DCLK2: variants seen among roughly 807,000 people sequenced by gnomAD.
DCLK2 encodes the protein serine/threonine-protein kinase DCLK2.
A neutral mutation model predicts 78.4 loss-of-function variants in DCLK2; 31 were observed. The ratio of observed to expected loss-of-function variants is 0.40; its 90% confidence interval spans 0.30 to 0.53. The LOEUF (loss-of-function observed/expected upper bound fraction) is 0.53, where lower values mean the gene tolerates loss of function less well. DCLK2 is among the 20% of genes least tolerant of loss of function. DCLK2 has a pLI of 0.61. For missense variants in DCLK2, 872 were observed against 973.7 expected, an observed-to-expected ratio of 0.90 and a Z score of 1.39; for synonymous variants, 407 against 374.9, an observed-to-expected ratio of 1.09 and a Z score of -0.99.
At chr4:150,120,260 T>A (rs1732423209) in intron 2 of DCLK2, among the ~76,000 whole-genome samples, 1 of 152,196 alleles carries the variant, frequency 6.6e-6, no homozygotes, top group Non-Finnish European at 1.5e-5. Flanking sequence ...TGGTAGCCTA[T>A]TATAAACTGT....
At chr4:150,210,011 G>A (rs1221577487) in intron 5 of DCLK2, among the ~76,000 whole-genome samples, 1 of 152,184 alleles carries the variant, frequency 6.6e-6, no homozygotes, top group East Asian at 1.9e-4. Flanking sequence ...GGAGGCAGAG[G>A]TTGCAATGAG....
At chr4:150,185,019 A>C (rs572263759) in intron 2 of DCLK2, among the ~76,000 whole-genome samples, 2 of 152,272 alleles carry the variant, frequency 1.3e-5, no homozygotes, top group African/African-American at 4.8e-5. Flanking sequence ...AGGGTTTATT[A>C]TGCTACTAAT....
chr4:150,242,116 G>A (rs759774486), intron 12 of DCLK2, among the ~76,000 whole-genome samples: 11 of 152,156 alleles, frequency 7.2e-5, no homozygotes, highest in Non-Finnish European at 1.3e-4. Flanking sequence ...TTCCCATTGC[G>A]TTGAACAATT....
chr4:150,153,313 G>A (rs1196058347), intron 2 of DCLK2, among the ~76,000 whole-genome samples: 1 of 152,184 alleles, frequency 6.6e-6, no homozygotes, highest in Non-Finnish European at 1.5e-5. Flanking sequence ...AGCCTCAGGA[G>A]TGCTTGATAT....
chr4:150,209,486 T>G (rs1272356216), intron 5 of DCLK2, among the ~76,000 whole-genome samples: 1 of 152,246 alleles, frequency 6.6e-6, no homozygotes, highest in South Asian at 2.1e-4. Context: ...CCTCTAATTC[T>G]TAAGTTTTTT....
At chr4:150,154,127 A>G (rs951943283) in intron 2 of DCLK2, among the ~76,000 whole-genome samples, 2 of 152,238 alleles carry the variant, frequency 1.3e-5, no homozygotes, top group African/African-American at 4.8e-5. Context: ...AAGTGGGGAC[A>G]TGGATGCTGA....
At chr4:150,183,452 A>C (rs1421295075) in intron 2 of DCLK2, among the ~76,000 whole-genome samples, 1 of 152,210 alleles carries the variant, frequency 6.6e-6, no homozygotes, top group African/African-American at 2.4e-5. Context: ...ATATGATGTA[A>C]GATCAGTTTT....
At chr4:150,204,453 T>C (rs1739690247) in intron 5 of DCLK2, among the ~76,000 whole-genome samples, 2 of 152,204 alleles carry the variant, frequency 1.3e-5, no homozygotes, top group African/African-American at 2.4e-5. Flanking sequence ...TAGCAGTTGA[T>C]TTAATAGACA....
At chr4:150,144,980 AT>A (rs150481946) in intron 2 of DCLK2, among the ~76,000 whole-genome samples, 1,932 of 152,276 alleles carry the variant, frequency 0.013, 11 homozygotes, top group Non-Finnish European at 0.019. Flanking sequence ...CATTTTAACG[AT>A]GTTGATTCTT....
intron 5 of DCLK2, among the ~76,000 whole-genome samples, chr4:150,215,632 A>G (rs1357732005): frequency 6.6e-6 from 1 of 152,230 alleles, no homozygotes; most frequent in East Asian, 1.9e-4. Context: ...AGAAACGTCC[A>G]CATACTCAGC....
rs370021286 is a variant in DCLK2, at chr4:150,256,153, C to T, written c.2207C>T (p.Pro736Leu). Residue 736 changes from proline (P) to leucine (L), a missense_variant, in exon 16 of 16, where the codon CCG becomes CTG. Physicochemically the swap from Pro to Leu is moderately conservative, Grantham distance 98 (BLOSUM62 -3). Coordinates refer to ENST00000296550, the MANE Select transcript of DCLK2 (RefSeq NM_001040260.4). ...ATCCCTGTGCCTGGGGAAGCAGTCC[C>T]GGCCCCCACCCCTCCGGAATCTCCC... is the stretch of plus-strand genomic sequence containing the variant. ...EEIPVPGEAVPAPTPPESPTP... is the reference protein window; with the variant it reads ...EEIPVPGEAVLAPTPPESPTP... 5.5e-5 allele frequency: 88 copies of T among 1,589,260 alleles called. No homozygotes were observed. The highest frequency in any genetic ancestry group is 2.6e-4 in the Admixed American group (15 of 58,020).
chr4:150,095,548 G>A (rs1730397518), intron 1 of DCLK2, among the ~76,000 whole-genome samples: 1 of 152,164 alleles, frequency 6.6e-6, no homozygotes, highest in Admixed American at 6.5e-5. Flanking sequence ...GGCCGACTCT[G>A]ATCTTTGGCT....
At chr4:150,254,332 G>A (rs1324923418) in intron 15 of DCLK2, 6 of 398,400 alleles carry the variant, frequency 1.5e-5, no homozygotes, top group South Asian at 1.3e-4. Context: ...TGTTTCACTC[G>A]TGTTGCTTCT....
intron 2 of DCLK2, among the ~76,000 whole-genome samples, chr4:150,188,053 C>T (rs1423883992): frequency 1.3e-5 from 2 of 152,196 alleles, no homozygotes; most frequent in Non-Finnish European, 2.9e-5. Context: ...CACCCCTTGG[C>T]CTCCCAAAGT....
chr4:150,097,876 TGAAAG>T (rs1580494123), intron 1 of DCLK2, among the ~76,000 whole-genome samples: 1 of 152,158 alleles, frequency 6.6e-6, no homozygotes, highest in African/African-American at 2.4e-5. Context: ...CCAAAGAACT[TGAAAG>T]AGAGAGAAGG....
chr4:150,250,974 T>TCCCCCACACCCCCCATACCCCCACACAC, intron 15 of DCLK2, among the ~76,000 whole-genome samples: 1 of 184 alleles, frequency 5.4e-3, no homozygotes, highest in African/African-American at 0.022. Flanking sequence ...ACACCACACA[T>TCCCCCACACCCCCCATACCCCCACACAC]CCCCCACACC....
chr4:150,089,152 TTCTC>T (rs1271432944), intron 1 of DCLK2, among the ~76,000 whole-genome samples: 1 of 152,232 alleles, frequency 6.6e-6, no homozygotes, highest in Non-Finnish European at 1.5e-5. Context: ...GTATTTCCCC[TTCTC>T]TCTCTTCCTC....
In DCLK2 at chr4:150,131,735, A is replaced by G. The variant is rs565036408; in HGVS notation, c.756+28923A>G. Among the ~76,000 whole-genome samples, 129 of 152,212 alleles carry G rather than the reference A, an allele frequency of 8.5e-4. No individual in the cohort carries two copies. In the Middle Eastern group the frequency reaches 0.01, roughly 12 times the overall value. On this transcript the variant is annotated intron_variant, in intron 2 of 15. Transcript: ENST00000296550. ...GTAGGAGTCCTAGGGAGACATTCCCAGACACTGGTCACTTCCTTGTTGCAT... is the reference window on the plus strand; with the variant it reads ...GTAGGAGTCCTAGGGAGACATTCCCGGACACTGGTCACTTCCTTGTTGCAT...
At chr4:150,198,850 A>G (rs1186399776) in intron 4 of DCLK2, among the ~76,000 whole-genome samples, 1 of 151,762 alleles carries the variant, frequency 6.6e-6, no homozygotes, top group East Asian at 1.9e-4. Flanking sequence ...CTCAAGCATC[A>G]GACTTTATAA....
Sources: allele counts gnomAD v4.1 joint callset (sites outside exome capture counted in the v4.1 genomes callset), GRCh38; gene constraint gnomAD v4.1.1; transcripts MANE v1.5; gene names NCBI Gene and HGNC (gene_info 2026-07-23, HGNC 2026-07-21).